The following MARCHF11 variants were observed in gnomAD, a reference collection of about 807,000 sequenced individuals.
MARCHF11 encodes membrane associated ring-CH-type finger 11.
MARCHF11 carries 29 observed loss-of-function variants against 37.3 expected under a neutral mutation model. The ratio of observed to expected loss-of-function variants is 0.78; its 90% confidence interval spans 0.58 to 1.06. The LOEUF is 1.06. Among genes scored for constraint, MARCHF11 ranks in the 50% least tolerant of loss-of-function variants. The pLI is 0.00. For synonymous variants in MARCHF11, 233 were observed against 228.0 expected, an observed-to-expected ratio of 1.02 and a Z score of -0.20; for missense variants, 482 against 533.4, an observed-to-expected ratio of 0.90 and a Z score of 0.95.
At chr5:16,160,412 A>G (rs1209707943) in intron 2 of MARCHF11, among the ~76,000 whole-genome samples, 1 of 146,254 alleles carries the variant, frequency 6.8e-6, no homozygotes, top group Non-Finnish European at 1.5e-5. Flanking sequence ...ATAATTTTAT[A>G]ATTTTATATT....
intron 2 of MARCHF11, among the ~76,000 whole-genome samples, chr5:16,104,375 T>C (rs1326639144): frequency 6.6e-6 from 1 of 152,108 alleles, no homozygotes; most frequent in African/African-American, 2.4e-5. Context: ...TGATAAAATA[T>C]TCTATAACTG....
At chr5:16,125,118 A>G (rs922541522) in intron 2 of MARCHF11, among the ~76,000 whole-genome samples, 2 of 151,422 alleles carry the variant, frequency 1.3e-5, no homozygotes, top group African/African-American at 4.8e-5. Context: ...TGTGACAGCA[A>G]AGTGGTGTTT....
At chr5:16,068,124 C>T (rs1736379494) in intron 3 of MARCHF11, among the ~76,000 whole-genome samples, 1 of 152,132 alleles carries the variant, frequency 6.6e-6, no homozygotes, top group Admixed American at 6.6e-5. Flanking sequence ...GCATTTAACA[C>T]ATATTCTTGA....
At chr5:16,162,357 C>T (rs542291424) in intron 2 of MARCHF11, among the ~76,000 whole-genome samples, 104 of 151,986 alleles carry the variant, frequency 6.8e-4, no homozygotes, top group African/African-American at 2.3e-3. Flanking sequence ...AAATATTGAC[C>T]TCTCCAGTTC....
chr5:16,151,373 T>G (rs1466792718), intron 2 of MARCHF11, among the ~76,000 whole-genome samples: 1 of 151,958 alleles, frequency 6.6e-6, no homozygotes, highest in African/African-American at 2.4e-5. Context: ...AATTACATCC[T>G]TAGCATGAGC....
chr5:16,164,450 T>C (rs1436517967), intron 2 of MARCHF11, among the ~76,000 whole-genome samples: 3 of 152,040 alleles, frequency 2.0e-5, no homozygotes, highest in Admixed American at 6.6e-5. Flanking sequence ...CACTCCACTC[T>C]CTAGGACAGG....
intron 2 of MARCHF11, among the ~76,000 whole-genome samples, chr5:16,092,624 C>T (rs566681857): frequency 1.3e-5 from 2 of 152,202 alleles, no homozygotes; most frequent in African/African-American, 4.8e-5. Context: ...AGGACAAATA[C>T]CTAATGCCTG....
chr5:16,124,719 A>G (rs749811783), intron 2 of MARCHF11, among the ~76,000 whole-genome samples: 3 of 151,708 alleles, frequency 2.0e-5, no homozygotes, highest in African/African-American at 2.4e-5. Flanking sequence ...ATCTCAAGGA[A>G]CTTTACTTCC....
At chr5:16,071,896 A>T (rs942517867) in intron 3 of MARCHF11, among the ~76,000 whole-genome samples, 3 of 152,196 alleles carry the variant, frequency 2.0e-5, no homozygotes, top group Non-Finnish European at 4.4e-5. Context: ...TTACACGCAC[A>T]ATTTTCATTT....
intron 2 of MARCHF11, among the ~76,000 whole-genome samples, chr5:16,112,345 T>C (rs1422094986): frequency 2.6e-5 from 4 of 152,164 alleles, no homozygotes; most frequent in Non-Finnish European, 4.4e-5. Flanking sequence ...ACCAAGGCCA[T>C]GGGAACCCAC....
chr5:16,078,028 CAG>C (rs765144774), intron 3 of MARCHF11, among the ~76,000 whole-genome samples: 26 of 152,184 alleles, frequency 1.7e-4, no homozygotes, highest in Non-Finnish European at 4.4e-5. Context: ...GTGTTTGAGA[CAG>C]AAATTTAAAT....
At chr5:16,132,346 G>A (rs1737531652) in intron 2 of MARCHF11, among the ~76,000 whole-genome samples, 1 of 152,182 alleles carries the variant, frequency 6.6e-6, no homozygotes, top group South Asian at 2.1e-4. Context: ...GGTCCCAACA[G>A]TCCGACTTAG....
At chr5:16,091,200 C>A in intron 2 of MARCHF11, 119 bp from the exon 3 acceptor site, 2 of 698,732 alleles carry the variant, frequency 2.9e-6, no homozygotes, top group Admixed American at 3.6e-5. Flanking sequence ...CTGATGAGAC[C>A]CCAAATGAAT....
chr5:16,067,830 T>C, intron 3 of MARCHF11, 37 bp from the exon 4 acceptor site: 3 of 1,555,884 alleles, frequency 1.9e-6, no homozygotes, highest in Non-Finnish European at 2.6e-6. Flanking sequence ...AAAAGACTGG[T>C]GATAATCCAA....
At chr5:16,094,781 T>C (rs192878668) in intron 2 of MARCHF11, among the ~76,000 whole-genome samples, 1 of 152,340 alleles carries the variant, frequency 6.6e-6, no homozygotes, top group East Asian at 1.9e-4. Context: ...TTTAGTGCAC[T>C]AGAAGAAGTA....
intron 2 of MARCHF11, among the ~76,000 whole-genome samples, chr5:16,142,585 G>C (rs963810973): frequency 1.3e-5 from 2 of 151,898 alleles, no homozygotes; most frequent in Non-Finnish European, 2.9e-5. Flanking sequence ...ACAGTCTTGT[G>C]AACTAGGGGA....
intron 2 of MARCHF11, among the ~76,000 whole-genome samples, chr5:16,166,411 A>G (rs764803039): frequency 1.3e-5 from 2 of 151,912 alleles, no homozygotes; most frequent in Non-Finnish European, 1.5e-5. Flanking sequence ...AAATATTTCT[A>G]TATTTAACCA....
intron 2 of MARCHF11, among the ~76,000 whole-genome samples, chr5:16,108,727 G>C (rs1376656533): frequency 3.3e-5 from 5 of 152,212 alleles, no homozygotes; most frequent in Admixed American, 6.5e-5. Flanking sequence ...TACAAGGCCA[G>C]GCGGGTGGGA....
intron 3 of MARCHF11, among the ~76,000 whole-genome samples, chr5:16,083,549 T>C (rs180846212): frequency 1.8e-3 from 271 of 152,292 alleles, no homozygotes; most frequent in Admixed American, 2.7e-3. Context: ...TCTCCTGCGG[T>C]CTTGGGCAAA....
Sources: allele counts gnomAD v4.1 joint callset (sites outside exome capture counted in the v4.1 genomes callset), GRCh38; gene constraint gnomAD v4.1.1; transcripts MANE v1.5; gene names NCBI Gene and HGNC (gene_info 2026-07-23, HGNC 2026-07-21).